RALGAPA2: variants seen among roughly 807,000 people sequenced by gnomAD.
The protein encoded by RALGAPA2 is ral GTPase-activating protein subunit alpha-2.
A neutral mutation model predicts 230.4 loss-of-function variants in RALGAPA2; 139 were observed. That is an observed-to-expected ratio of 0.60 (90% CI 0.53 to 0.69). The LOEUF is 0.69. Among genes scored for constraint, RALGAPA2 ranks in the 30% least tolerant of loss-of-function variants. RALGAPA2 has a pLI of 0.00. For missense variants in RALGAPA2, 2,163 were observed against 2,276.0 expected, an observed-to-expected ratio of 0.95 and a Z score of 1.01; for synonymous variants, 847 against 837.8, an observed-to-expected ratio of 1.01 and a Z score of -0.19.
In RALGAPA2 at chr20:20,639,793, C is replaced by T. The variant is rs760039857; in HGVS notation, c.658G>A (p.Val220Ile). ...FFLQILLKYM[V>I]IQAASLEWKN... ...CATAATTTTTCTCTGACCTGAATAA[C>T]CATATACTTCAACAGTATTTGAAGA... The change falls in exon 7 of 40, where the codon GTT (valine) becomes ATT (isoleucine). Residue 220 changes from valine (V) to isoleucine (I), a missense_variant. Val to Ile is a conservative substitution (Grantham distance 29). Transcript: ENST00000202677. The T allele has an allele frequency of 1.7e-5, 27 of 1,602,644 alleles. No individual in the cohort carries two copies. The South Asian group carries it at 2.9e-4, about 17-fold the overall frequency.
intron 27 of RALGAPA2, among the ~76,000 whole-genome samples, chr20:20,530,026 T>C (rs1489064912): frequency 6.6e-6 from 1 of 152,268 alleles, no homozygotes; most frequent in Non-Finnish European, 1.5e-5. Flanking sequence ...CATTGATCTA[T>C]AATTTATAGC....
At chr20:20,504,291 G>C (rs184560745) in intron 34 of RALGAPA2, among the ~76,000 whole-genome samples, 3 of 152,270 alleles carry the variant, frequency 2.0e-5, no homozygotes, top group East Asian at 3.9e-4. Context: ...GTAACTGTTA[G>C]ACTCAAACCT....
At position 20,571,189 on chromosome 20, in the gene RALGAPA2, C is replaced by A. The variant is rs186110227; in HGVS notation, c.3156+269G>T. On this transcript the variant is annotated intron_variant, in intron 23 of 39. Coordinates refer to ENST00000202677, the MANE Select transcript of RALGAPA2 (RefSeq NM_020343.4). ...TAATAGTATTTTGAGGTTGACAACA[C>A]AGGCAGAGGTTAGATCATAGAGGCC... Among the ~76,000 whole-genome samples the A allele has an allele frequency of 2.1e-3, 316 of 152,244 alleles. 1 individual carries two copies. Among genetic ancestry groups the A allele is most frequent in the Admixed American group, 6.7e-3 (103 of 15,298 alleles).
At chr20:20,581,120 C>T (rs929206516) in intron 20 of RALGAPA2, among the ~76,000 whole-genome samples, 45 of 152,070 alleles carry the variant, frequency 3.0e-4, no homozygotes, top group African/African-American at 8.5e-4. Context: ...CAAAGAAGAA[C>T]GGAGTATTTG....
At chr20:20,556,505 T>C (rs1472657858) in intron 23 of RALGAPA2, among the ~76,000 whole-genome samples, 1 of 152,218 alleles carries the variant, frequency 6.6e-6, no homozygotes, top group Non-Finnish European at 1.5e-5. Context: ...CCTGACTACG[T>C]AATGACTGTC....
Position 20,616,180 on chromosome 20 carries a change from C to T in RALGAPA2, c.1551G>A (p.Thr517=), listed in dbSNP as rs367939584. The T allele has an allele frequency of 2.5e-5, 38 of 1,513,678 alleles. No homozygotes were observed. In the East Asian group the frequency reaches 4.2e-4, roughly 17 times the overall value. 93.8% of individuals were successfully genotyped at this position (1,513,678 alleles called of 1,614,324 possible). Residue 517 remains threonine, a synonymous_variant, in exon 13 of 40, where the codon ACG becomes ACA. Coordinates refer to ENST00000202677, the MANE Select transcript of RALGAPA2 (RefSeq NM_020343.4). ...CCAACAAAAAGATGTTTGCAGAGTT[C>T]GTCAAAAATACCTTAAAATCAACAA... ...GVQALLQVFL[T]NSANIFLLEP...
At chr20:20,541,682 A>G (rs1478383253) in intron 24 of RALGAPA2, among the ~76,000 whole-genome samples, 1 of 152,198 alleles carries the variant, frequency 6.6e-6, no homozygotes, top group Non-Finnish European at 1.5e-5. Flanking sequence ...CTTCCATTTA[A>G]TATTTTTGGA....
chr20:20,628,334 C>A (rs777257501), intron 10 of RALGAPA2, among the ~76,000 whole-genome samples: 16 of 152,230 alleles, frequency 1.1e-4, no homozygotes, highest in Non-Finnish European at 2.2e-4. Flanking sequence ...TCACCTACAA[C>A]TGGACTCTGC....
chr20:20,434,052 G>A (rs1448266230), intron 37 of RALGAPA2, among the ~76,000 whole-genome samples: 1 of 152,166 alleles, frequency 6.6e-6, no homozygotes, highest in East Asian at 1.9e-4. Flanking sequence ...GTGATGTACT[G>A]GGAAGTCCAT....
At chr20:20,554,317 C>T (rs1265027230) in intron 23 of RALGAPA2, among the ~76,000 whole-genome samples, 1 of 152,220 alleles carries the variant, frequency 6.6e-6, no homozygotes, top group African/African-American at 2.4e-5. Context: ...CACGTTGTGG[C>T]ACATAATACT....
At chr20:20,559,651 T>A (rs2064195390) in intron 23 of RALGAPA2, among the ~76,000 whole-genome samples, 1 of 151,528 alleles carries the variant, frequency 6.6e-6, no homozygotes, top group South Asian at 2.1e-4. Flanking sequence ...AAACTCATTT[T>A]AGGGGCCTAA....
intron 33 of RALGAPA2, among the ~76,000 whole-genome samples, chr20:20,506,124 TCTGA>T: frequency 6.6e-6 from 1 of 152,206 alleles, no homozygotes; most frequent in African/African-American, 2.4e-5. Flanking sequence ...ACTTCTGTAC[TCTGA>T]CTATTCTGAG....
At chr20:20,662,369 A>G (rs2067811361) in intron 3 of RALGAPA2, among the ~76,000 whole-genome samples, 1 of 152,240 alleles carries the variant, frequency 6.6e-6, no homozygotes. Context: ...CTGATTATAT[A>G]AACGAAAAAT....
chr20:20,599,305 G>A (rs1479926602), intron 16 of RALGAPA2, among the ~76,000 whole-genome samples: 1 of 152,096 alleles, frequency 6.6e-6, no homozygotes, highest in East Asian at 1.9e-4. Flanking sequence ...AAGTCAAGTT[G>A]AACATTAAAA....
At chr20:20,678,192 A>G (rs969943187) in intron 2 of RALGAPA2, among the ~76,000 whole-genome samples, 2 of 152,196 alleles carry the variant, frequency 1.3e-5, no homozygotes, top group African/African-American at 4.8e-5. Flanking sequence ...AGTTATCACA[A>G]GATTATTTAT....
intron 37 of RALGAPA2, among the ~76,000 whole-genome samples, chr20:20,464,955 A>G (rs2061382368): frequency 1.3e-5 from 2 of 152,160 alleles, no homozygotes; most frequent in Admixed American, 1.3e-4. Flanking sequence ...TGGAAAAGAG[A>G]GAGTTAATGT....
intron 37 of RALGAPA2, among the ~76,000 whole-genome samples, chr20:20,456,834 G>A (rs1319598165): frequency 6.6e-6 from 1 of 151,724 alleles, no homozygotes; most frequent in African/African-American, 2.4e-5. Flanking sequence ...TCTTTATAAA[G>A]TTCCTTTTTT....
intron 23 of RALGAPA2, among the ~76,000 whole-genome samples, chr20:20,562,045 A>G (rs989690373): frequency 1.3e-5 from 2 of 152,208 alleles, no homozygotes; most frequent in Non-Finnish European, 2.9e-5. Context: ...AGCTCACCAC[A>G]GTAGAAAGTT....
At position 20,389,936 on chromosome 20, in the gene RALGAPA2, A is replaced by G. The variant is rs571328806; in HGVS notation, c.*3353T>C. 3 of 152,368 alleles carry G rather than the reference A, an allele frequency of 2.0e-5. No homozygotes were observed. The highest frequency in any genetic ancestry group is 7.2e-5 in the African/African-American group (3 of 41,584). 9.4% of individuals were successfully genotyped at this position (152,368 alleles called of 1,614,324 possible). A position where few individuals can be genotyped will look rare whatever the true frequency, so the allele number is the denominator to read the frequency against. ...CTTATTTACATGTACTAAACATTGTAGACCTGAAAACATAAGGAAACATTC... is the reference window on the plus strand; with the variant it reads ...CTTATTTACATGTACTAAACATTGTGGACCTGAAAACATAAGGAAACATTC... On this transcript the variant is annotated 3_prime_UTR_variant, in exon 40 of 40. Transcript: ENST00000202677.
Sources: gnomAD v4.1 joint callset for allele counts (sites outside exome capture counted in the v4.1 genomes callset) on GRCh38, gnomAD v4.1.1 for gene constraint, MANE v1.5 for transcripts, NCBI Gene and HGNC (gene_info 2026-07-23, HGNC 2026-07-21) for gene names.